The following CPQ variants were observed in gnomAD, a reference collection of about 807,000 sequenced individuals.
CPQ encodes Ser-Met dipeptidase.
In CPQ, 37 loss-of-function variants were observed where a neutral mutation model predicts 45.7. The ratio of observed to expected loss-of-function variants is 0.81; its 90% CI spans 0.62 to 1.07. The LOEUF (loss-of-function observed/expected upper bound fraction) is 1.07, where lower values mean the gene tolerates loss of function less well. CPQ is among the 50% of genes least tolerant of loss of function. The probability of loss-of-function intolerance (pLI) is 0.00; values close to 1 mark genes in which losing one functional copy is unlikely to be tolerated. For missense variants in CPQ, 537 were observed against 572.9 expected (o/e 0.94, Z 0.64); for synonymous variants, 186 against 205.8 (o/e 0.90, Z 0.82).
At chr8:97,073,435 C>T (rs767359931) in intron 7 of CPQ, among the ~76,000 whole-genome samples, 1 of 152,180 alleles carries the variant, frequency 6.6e-6, no homozygotes, top group Non-Finnish European at 1.5e-5. Context: ...CCTGTTGTCC[C>T]TAATTTAATG....
intron 4 of CPQ, among the ~76,000 whole-genome samples, chr8:96,941,119 AGCATATCTG>A (rs1372738925): frequency 6.6e-6 from 1 of 152,138 alleles, no homozygotes; most frequent in African/African-American, 2.4e-5. Context: ...CTCCCTTAGA[AGCATATCTG>A]GCACTTGGTA....
intron 5 of CPQ, among the ~76,000 whole-genome samples, chr8:97,009,567 T>C (rs904952492): frequency 6.6e-6 from 1 of 152,198 alleles, no homozygotes; most frequent in Non-Finnish European, 1.5e-5. Context: ...GAATTATCCA[T>C]TTATGCAAAA....
chr8:96,848,066 C>G (rs1251234577), intron 3 of CPQ, among the ~76,000 whole-genome samples: 1 of 152,046 alleles, frequency 6.6e-6, no homozygotes, highest in East Asian at 1.9e-4. Context: ...GAAGGGGTAA[C>G]TAGCCTCTGC....
intron 6 of CPQ, among the ~76,000 whole-genome samples, chr8:97,042,883 G>T (rs1478553574): frequency 1.3e-5 from 2 of 152,148 alleles, no homozygotes; most frequent in African/African-American, 2.4e-5. Context: ...TTTTACATTT[G>T]CTGAGGAGAG....
chr8:97,025,555 A>G (rs1001493532), intron 5 of CPQ, among the ~76,000 whole-genome samples: 134 of 152,222 alleles, frequency 8.8e-4, no homozygotes, highest in Middle Eastern at 3.4e-3. Context: ...GCGTCTTCAA[A>G]TTCTAGGACT....
At chr8:97,118,981 A>G (rs188885864) in intron 7 of CPQ, among the ~76,000 whole-genome samples, 8 of 152,164 alleles carry the variant, frequency 5.3e-5, no homozygotes, top group African/African-American at 1.9e-4. Flanking sequence ...TGCAACAGAG[A>G]CTGTATGGCC....
At chr8:97,009,285 C>G (rs1205119871) in intron 5 of CPQ, among the ~76,000 whole-genome samples, 1 of 152,196 alleles carries the variant, frequency 6.6e-6, no homozygotes, top group East Asian at 1.9e-4. Flanking sequence ...CTGACACTTT[C>G]CTCTCGGTAT....
In CPQ at chr8:96,974,766, T is replaced by C. The variant is rs374406103; in HGVS notation, c.961+8720T>C. Reference sequence around the variant, plus strand: ...TAAATAATCTGTTCTTGAATGATCATTGGGTCAACAATGAAATCAAGATGG... The same window carrying C: ...TAAATAATCTGTTCTTGAATGATCACTGGGTCAACAATGAAATCAAGATGG... On this transcript the variant is annotated intron_variant, in intron 5 of 7. Transcript: ENST00000220763. 1.6e-4 allele frequency among the ~76,000 whole-genome samples: 25 copies of C among 152,256 alleles called. No individual in the cohort carries two copies. The East Asian group carries it at 1.7e-3, about 11-fold the overall frequency.
chr8:96,854,548 A>ACAC (rs1563513668), intron 3 of CPQ, among the ~76,000 whole-genome samples: 1 of 119,052 alleles, frequency 8.4e-6, no homozygotes, highest in African/African-American at 3.1e-5. Context: ...AAAAAAAAAA[A>ACAC]AAAAAAAAAA....
At chr8:97,071,981 T>A (rs961589927) in intron 7 of CPQ, among the ~76,000 whole-genome samples, 2 of 152,144 alleles carry the variant, frequency 1.3e-5, no homozygotes, top group African/African-American at 4.8e-5. Flanking sequence ...TGTGCAGTAG[T>A]GGAAGAGAGA....
intron 5 of CPQ, among the ~76,000 whole-genome samples, chr8:96,977,249 A>G (rs1256317857): frequency 3.3e-5 from 5 of 152,130 alleles, no homozygotes; most frequent in African/African-American, 4.8e-5. Context: ...AATGCTCAAC[A>G]TCACTAATAA....
intron 1 of CPQ, among the ~76,000 whole-genome samples, chr8:96,684,465 C>T (rs565764333): frequency 1.3e-5 from 2 of 152,206 alleles, no homozygotes; most frequent in South Asian, 4.2e-4. Flanking sequence ...ATGGTGGATG[C>T]AGGTGTTAGC....
At chr8:97,013,849 C>T (rs910745034) in intron 5 of CPQ, among the ~76,000 whole-genome samples, 4 of 152,016 alleles carry the variant, frequency 2.6e-5, no homozygotes, top group African/African-American at 9.7e-5. Flanking sequence ...TAGGAAAATA[C>T]ATTTGTATAT....
chr8:97,003,853 A>G (rs920165123), intron 5 of CPQ, among the ~76,000 whole-genome samples: 6 of 152,164 alleles, frequency 3.9e-5, no homozygotes, highest in Non-Finnish European at 7.4e-5. Flanking sequence ...AAGTACTACT[A>G]TACGTTATTT....
chr8:96,730,356 AGTTT>A (rs1809893636), intron 1 of CPQ, among the ~76,000 whole-genome samples: 1 of 152,180 alleles, frequency 6.6e-6, no homozygotes, highest in Non-Finnish European at 1.5e-5. Flanking sequence ...TGACATTTTG[AGTTT>A]GTTCTTCTTT....
At chr8:97,061,012 T>C (rs1373362452) in intron 6 of CPQ, among the ~76,000 whole-genome samples, 2 of 152,170 alleles carry the variant, frequency 1.3e-5, no homozygotes, top group Admixed American at 6.6e-5. Flanking sequence ...GTGGGTAGTT[T>C]GTTTTCTTAG....
intron 4 of CPQ, among the ~76,000 whole-genome samples, chr8:96,886,863 C>T (rs925281218): frequency 6.6e-6 from 1 of 152,196 alleles, no homozygotes; most frequent in Admixed American, 6.5e-5. Flanking sequence ...CTCCTGACAT[C>T]TTTTCCCTAA....
At chr8:96,655,755 C>T (rs752796898) in intron 1 of CPQ, among the ~76,000 whole-genome samples, 73 of 152,286 alleles carry the variant, frequency 4.8e-4, no homozygotes, top group South Asian at 6.2e-4. Context: ...GCAGATGCTC[C>T]TTGACTTACA....
At chr8:96,761,125 T>C (rs1810399197) in intron 1 of CPQ, 1 of 152,210 alleles carries the variant, frequency 6.6e-6, no homozygotes, top group South Asian at 2.1e-4. Flanking sequence ...TGTCAAAATG[T>C]GGAAGTGGTG....
Sources: gnomAD v4.1 joint callset for allele counts (sites outside exome capture counted in the v4.1 genomes callset) on GRCh38, gnomAD v4.1.1 for gene constraint, MANE v1.5 for transcripts, NCBI Gene and HGNC (gene_info 2026-07-23, HGNC 2026-07-21) for gene names.